The following HDAC9 variants were observed in gnomAD, a reference collection of about 807,000 sequenced individuals.
The protein encoded by HDAC9 is histone deacetylase 9.
A neutral mutation model predicts 139.4 loss-of-function variants in HDAC9; 41 were observed. The ratio of observed to expected loss-of-function variants is 0.29; its 90% CI spans 0.23 to 0.38. The LOEUF is 0.38. Ranked by LOEUF, HDAC9 falls within the 10% of genes least tolerant of loss-of-function variation. The probability of loss-of-function intolerance (pLI) is 1.00; values close to 1 mark genes in which losing one functional copy is unlikely to be tolerated. For synonymous variants in HDAC9, 517 were observed against 476.2 expected (o/e 1.09, Z -1.12); for missense variants, 1,147 against 1,297.0 (o/e 0.88, Z 1.78).
At chr7:18,089,067 A>G (rs1261311842) in intron 1 of HDAC9, among the ~76,000 whole-genome samples, 1 of 152,246 alleles carries the variant, frequency 6.6e-6, no homozygotes, top group Admixed American at 6.5e-5. Context: ...ACTGCCAGCC[A>G]GAGGGAGAGA....
chr7:18,229,071 G>T (rs1005557561), intron 2 of HDAC9, among the ~76,000 whole-genome samples: 1 of 152,082 alleles, frequency 6.6e-6, no homozygotes, highest in Non-Finnish European at 1.5e-5. Flanking sequence ...ATCTCGGAAG[G>T]GGCCTATGCA....
intron 12 of HDAC9, among the ~76,000 whole-genome samples, chr7:18,712,000 A>G (rs373616852): frequency 4.0e-5 from 6 of 151,584 alleles, no homozygotes; most frequent in East Asian, 3.9e-4. Flanking sequence ...ATATCAATCA[A>G]TGCAAATGCC....
chr7:18,745,883 C>CTTTTT (rs752292349), intron 13 of HDAC9, among the ~76,000 whole-genome samples: 27 of 99,478 alleles, frequency 2.7e-4, no homozygotes, highest in African/African-American at 3.8e-4. Context: ...TCTTCTTCTT[C>CTTTTT]TTTTTTTTTT....
At chr7:18,408,165 T>C (rs1758262064) in intron 1 of HDAC9, among the ~76,000 whole-genome samples, 1 of 152,220 alleles carries the variant, frequency 6.6e-6, no homozygotes, top group African/African-American at 2.4e-5. Flanking sequence ...CAAAAGGGGA[T>C]GAATTGTGTT....
At chr7:18,874,682 T>C in intron 22 of HDAC9, 86 bp downstream of exon 22, 2 of 742,886 alleles carry the variant, frequency 2.7e-6, no homozygotes, top group South Asian at 1.6e-5. Context: ...CTTTTACATG[T>C]GTCCAGTAAA....
chr7:18,994,158 C>A (rs1391915731), intron 25 of HDAC9, among the ~76,000 whole-genome samples: 1 of 152,116 alleles, frequency 6.6e-6, no homozygotes, highest in Non-Finnish European at 1.5e-5. Flanking sequence ...AGACATTTCC[C>A]ACACGTGACT....
At chr7:18,107,709 A>T (rs1249697766) in intron 1 of HDAC9, among the ~76,000 whole-genome samples, 1 of 152,216 alleles carries the variant, frequency 6.6e-6, no homozygotes, top group Non-Finnish European at 1.5e-5. Context: ...TGTTTTCTGT[A>T]CTTTTTAAAA....
At position 18,732,724 on chromosome 7, in the gene HDAC9, C is replaced by T. The variant is rs577762018; in HGVS notation, c.1909+4967C>T. 2.3e-4 allele frequency among the ~76,000 whole-genome samples: 27 copies of T among 115,862 alleles called. 6 individuals carry two copies. Among genetic ancestry groups the T allele is most frequent in the Admixed American group, 1.5e-3 (18 of 12,122 alleles). The allele number at this position is 115,862 out of a possible 152,430, so 76.0% of individuals were successfully genotyped here. On this transcript the variant is annotated intron_variant, in intron 13 of 25. Transcript: ENST00000686413. ...GTGTATGTGTGCGTATGTGTACACACACACACGTGTATGTGTGCGTATGTG... is the reference window on the plus strand; with the variant it reads ...GTGTATGTGTGCGTATGTGTACACATACACACGTGTATGTGTGCGTATGTG...
At chr7:18,303,375 TTGTG>T (rs71014320) in intron 1 of HDAC9, among the ~76,000 whole-genome samples, 3,112 of 127,696 alleles carry the variant, frequency 0.024, 64 homozygotes, top group East Asian at 0.076. Context: ...CCCAGCCAAT[TTGTG>T]TGTGTGTGTG....
chr7:18,267,286 T>C (rs1267309413), intron 2 of HDAC9, among the ~76,000 whole-genome samples: 1 of 152,142 alleles, frequency 6.6e-6, no homozygotes, highest in Non-Finnish European at 1.5e-5. Context: ...TCATACTACT[T>C]TTTTTGTGGC....
At chr7:18,668,075 G>T (rs1795321180) in intron 12 of HDAC9, 1 of 971,624 alleles carries the variant, frequency 1.0e-6, no homozygotes, top group Non-Finnish European at 1.2e-6. Flanking sequence ...TATGTTATTG[G>T]CACGTGTTGT....
intron 6 of HDAC9, among the ~76,000 whole-genome samples, chr7:18,618,505 A>G (rs1044606458): frequency 1.3e-5 from 2 of 151,882 alleles, no homozygotes; most frequent in Admixed American, 6.6e-5. Context: ...GAGTAATTCC[A>G]TGCTGTCTCC....
At chr7:18,506,201 T>C (rs1318953908) in intron 2 of HDAC9, among the ~76,000 whole-genome samples, 7 of 152,220 alleles carry the variant, frequency 4.6e-5, no homozygotes, top group Non-Finnish European at 8.8e-5. Context: ...CTTAGGGTGA[T>C]TGCAGAATTC....
chr7:18,254,658 T>C (rs1795120359), intron 2 of HDAC9, among the ~76,000 whole-genome samples: 1 of 152,168 alleles, frequency 6.6e-6, no homozygotes, highest in Non-Finnish European at 1.5e-5. Flanking sequence ...AAATAGCAGG[T>C]TATTTTGAGG....
At chr7:18,432,313 A>G (rs1790751548) in intron 1 of HDAC9, among the ~76,000 whole-genome samples, 2 of 152,126 alleles carry the variant, frequency 1.3e-5, no homozygotes, top group South Asian at 4.1e-4. Context: ...CATTCCATCC[A>G]TTACCTGTCT....
chr7:18,616,290 A>AC (rs11381062), intron 6 of HDAC9, among the ~76,000 whole-genome samples: 98,387 of 152,056 alleles, frequency 0.65, 35,726 homozygotes, highest in Non-Finnish European at 0.82. Context: ...TATTCTGCCT[A>AC]CCCCAAGTGC....
At chr7:18,561,204 A>C (rs558786785) in intron 2 of HDAC9, among the ~76,000 whole-genome samples, 62 of 152,348 alleles carry the variant, frequency 4.1e-4, no homozygotes, top group African/African-American at 1.4e-3. Context: ...TGCTTCTCCA[A>C]AAGAAGCTGG....
At chr7:18,349,565 C>A (rs1782694685) in intron 1 of HDAC9, among the ~76,000 whole-genome samples, 1 of 152,060 alleles carries the variant, frequency 6.6e-6, no homozygotes, top group African/African-American at 2.4e-5. Flanking sequence ...GATTCTCAAA[C>A]ATTGAATTGG....
intron 22 of HDAC9, among the ~76,000 whole-genome samples, chr7:18,893,491 A>T (rs918965091): frequency 6.6e-6 from 1 of 152,168 alleles, no homozygotes; most frequent in Non-Finnish European, 1.5e-5. Context: ...CATGTGGCTT[A>T]TATTTAAACT....
Sources: gnomAD v4.1 joint callset for allele counts (sites outside exome capture counted in the v4.1 genomes callset) on GRCh38, gnomAD v4.1.1 for gene constraint, MANE v1.5 for transcripts, NCBI Gene and HGNC (gene_info 2026-07-23, HGNC 2026-07-21) for gene names.